Variants in LGR4 observed in about 807,000 individuals in gnomAD.
The protein encoded by LGR4 is leucine-rich repeat-containing G protein-coupled receptor 4.
In LGR4, 44 loss-of-function variants were observed where a neutral mutation model predicts 84.8. The observed-to-expected ratio is 0.52, with a 90% CI of 0.41 to 0.67. The LOEUF is 0.67. Ranked by LOEUF, LGR4 falls within the 30% of genes least tolerant of loss-of-function variation. The pLI, the probability that LGR4 is intolerant of heterozygous loss-of-function variation, is 0.00. For missense variants in LGR4, 1,032 were observed against 1,131.4 expected (o/e 0.91, Z 1.26); for synonymous variants, 429 against 434.3 (o/e 0.99, Z 0.15).
At chr11:27,425,484 G>A (rs1864007880) in intron 1 of LGR4, among the ~76,000 whole-genome samples, 1 of 151,856 alleles carries the variant, frequency 6.6e-6, no homozygotes, top group Non-Finnish European at 1.5e-5. Flanking sequence ...GCATGCAGGG[G>A]CTGATTTTTA....
intron 4 of LGR4, among the ~76,000 whole-genome samples, chr11:27,387,703 G>T (rs1314464332): frequency 6.6e-6 from 1 of 152,118 alleles, no homozygotes; most frequent in Non-Finnish European, 1.5e-5. Flanking sequence ...CAGGTAGGGG[G>T]TTTGGGTTGT....
intron 1 of LGR4, among the ~76,000 whole-genome samples, chr11:27,427,049 T>C (rs1864035013): frequency 6.6e-6 from 1 of 152,200 alleles, no homozygotes; most frequent in South Asian, 2.1e-4. Context: ...TACCTGTACC[T>C]AACCAAAGAA....
chr11:27,468,080 G>A (rs1476249977), intron 1 of LGR4, among the ~76,000 whole-genome samples: 4 of 152,104 alleles, frequency 2.6e-5, no homozygotes, highest in African/African-American at 9.7e-5. Flanking sequence ...AATGGTATTA[G>A]TAAAAGAAGA....
chr11:27,453,929 C>A (rs1042046965), intron 1 of LGR4, among the ~76,000 whole-genome samples: 14 of 152,140 alleles, frequency 9.2e-5, no homozygotes, highest in African/African-American at 3.1e-4. Flanking sequence ...ATATCCTACA[C>A]CCTTTTGGAA....
intron 2 of LGR4, among the ~76,000 whole-genome samples, chr11:27,406,356 C>T (rs1863609030): frequency 6.6e-6 from 1 of 152,122 alleles, no homozygotes; most frequent in South Asian, 2.1e-4. Context: ...CTTCCTCACC[C>T]TCTCCACATC....
At position 27,372,324 on chromosome 11, in the gene LGR4, T is replaced by C. The variant is rs1252958677; in HGVS notation, c.1454A>G (p.Glu485Gly). The part of the protein sequence containing the change: ...GCDSYANLNT[E>G]DNSLQDHSVA... ...ACTGTGGTCCTGGAGGCTGTTATCT[T>C]CTGTGTTTAAATTTGCATAAGAGTC... Residue 485 changes from glutamate to glycine, a missense_variant, in exon 16 of 18, where the codon GAA (glutamate) becomes GGA (glycine). Physicochemically the swap from Glu to Gly is moderately conservative, Grantham distance 98. Transcript: ENST00000379214. The C allele has an allele frequency of 4.3e-6, 7 of 1,613,642 alleles. No individual in the cohort carries two copies. Among genetic ancestry groups the C allele is most frequent in the Non-Finnish European group, 5.9e-6 (7 of 1,179,658 alleles).
At chr11:27,373,354 T>TGG in intron 15 of LGR4, 197 bp downstream of exon 15, 1 of 463,524 alleles carries the variant, frequency 2.2e-6, no homozygotes, top group East Asian at 3.2e-5. Context: ...CATCAAGGGC[T>TGG]CCAGTTCACA....
intron 1 of LGR4, among the ~76,000 whole-genome samples, chr11:27,433,182 A>C (rs1020546565): frequency 2.8e-4 from 42 of 152,194 alleles, no homozygotes; most frequent in African/African-American, 9.9e-4. Context: ...ACACTACCCT[A>C]GATCAGTCAC....
intron 17 of LGR4, 123 bp downstream of exon 17, chr11:27,371,492 G>A (rs753619702): frequency 1.7e-6 from 1 of 599,948 alleles, no homozygotes; most frequent in Non-Finnish European, 2.8e-6. Flanking sequence ...AAATCAGAAG[G>A]CCTCACAGGA....
chr11:27,413,001 G>A (rs1448205626), intron 1 of LGR4, 141 bp from the exon 2 acceptor site: 11 of 624,372 alleles, frequency 1.8e-5, no homozygotes, highest in Non-Finnish European at 2.8e-5. Context: ...TTTGGCTTCA[G>A]AATGCAATAT....
At chr11:27,373,900 C>A in intron 14 of LGR4, 75 bp downstream of exon 14, 1 of 1,145,090 alleles carries the variant, frequency 8.7e-7, no homozygotes, top group South Asian at 1.3e-5. Flanking sequence ...TATTTTGATT[C>A]GACAATGTTA....
chr11:27,442,961 G>A (rs1590397626), intron 1 of LGR4, among the ~76,000 whole-genome samples: 2 of 152,056 alleles, frequency 1.3e-5, no homozygotes, highest in East Asian at 3.8e-4. Context: ...TATATAACAG[G>A]GACTGTACTA....
chr11:27,410,553 T>C (rs543357702), intron 2 of LGR4, among the ~76,000 whole-genome samples: 14 of 152,264 alleles, frequency 9.2e-5, no homozygotes, highest in East Asian at 1.9e-4. Flanking sequence ...ACAATAGTCA[T>C]GGCGGCATCA....
intron 1 of LGR4, among the ~76,000 whole-genome samples, chr11:27,431,751 C>T (rs1864120135): frequency 6.6e-6 from 1 of 152,184 alleles, no homozygotes. Flanking sequence ...TCTTCAAGAG[C>T]ACTCCATCCA....
intron 1 of LGR4, among the ~76,000 whole-genome samples, chr11:27,424,505 T>G (rs975446591): frequency 1.3e-5 from 2 of 152,034 alleles, no homozygotes; most frequent in African/African-American, 4.8e-5. Flanking sequence ...CGCTTACTAA[T>G]TCTCCCAGGC....
At chr11:27,443,635 C>A (rs1488220689) in intron 1 of LGR4, among the ~76,000 whole-genome samples, 1 of 152,166 alleles carries the variant, frequency 6.6e-6, no homozygotes, top group African/African-American at 2.4e-5. Flanking sequence ...TATACATATA[C>A]ATTGTTTTTT....
chr11:27,447,532 G>A (rs1221362441), intron 1 of LGR4, among the ~76,000 whole-genome samples: 1 of 152,112 alleles, frequency 6.6e-6, no homozygotes. Context: ...CCTGGAAAAC[G>A]CATAAATAAT....
At chr11:27,449,125 GC>G (rs1249010516) in intron 1 of LGR4, among the ~76,000 whole-genome samples, 1 of 152,098 alleles carries the variant, frequency 6.6e-6, no homozygotes, top group Non-Finnish European at 1.5e-5. Flanking sequence ...AGAACATGCT[GC>G]CCATCATCAA....
rs907842553 is a variant in LGR4, at chr11:27,368,078, G to C, written c.2645C>G (p.Pro882Arg). 1.2e-6 allele frequency: 2 copies of C among 1,613,024 alleles called. No individual in the cohort carries two copies. Among genetic ancestry groups the C allele is most frequent in the Non-Finnish European group, 1.7e-6 (2 of 1,179,572 alleles). ...CKHLIKSHSC[P>R]ALAVASCQRP... ...TTGGCAAGAAGCCACTGCCAATGCA[G>C]GACAGCTGTGTGATTTTATCAAGTG... is the stretch of plus-strand genomic sequence containing the variant. Residue 882 changes from proline to arginine, a missense_variant, in exon 18 of 18, where the codon CCT (proline) becomes CGT (arginine). By Grantham distance (103) the Pro-to-Arg change is moderately radical. Coordinates refer to ENST00000379214, the MANE Select transcript of LGR4 (RefSeq NM_018490.5).
Sources: gnomAD v4.1 joint callset for allele counts (sites outside exome capture counted in the v4.1 genomes callset) on GRCh38, gnomAD v4.1.1 for gene constraint, MANE v1.5 for transcripts, NCBI Gene and HGNC (gene_info 2026-07-23, HGNC 2026-07-21) for gene names.